The following CNTN5 variants were observed in gnomAD, a reference collection of about 807,000 sequenced individuals.
CNTN5 encodes the protein contactin-5.
A neutral mutation model predicts 129.1 loss-of-function variants in CNTN5; 77 were observed. That is an observed-to-expected ratio of 0.60 (90% CI 0.50 to 0.72). The LOEUF (loss-of-function observed/expected upper bound fraction) is 0.72, where lower values mean the gene tolerates loss of function less well. CNTN5 is among the 30% of genes least tolerant of loss of function. CNTN5 has a pLI of 0.00. For missense variants in CNTN5, 1,478 were observed against 1,328.8 expected (o/e 1.11, Z -1.75); for synonymous variants, 509 against 465.6 (o/e 1.09, Z -1.20).
intron 1 of CNTN5, among the ~76,000 whole-genome samples, chr11:99,247,052 A>G (rs1038493884): frequency 6.6e-5 from 10 of 152,178 alleles, no homozygotes; most frequent in African/African-American, 2.4e-4. Flanking sequence ...AAAATGACAT[A>G]ACTTAATAGT....
intron 3 of CNTN5, among the ~76,000 whole-genome samples, chr11:99,631,621 TATC>T (rs775436098): frequency 4.6e-5 from 7 of 151,882 alleles, no homozygotes; most frequent in Non-Finnish European, 7.4e-5. Flanking sequence ...TTTTTAGTAA[TATC>T]ATGTCAGTCA....
At chr11:99,112,403 G>A (rs1857841361) in intron 1 of CNTN5, among the ~76,000 whole-genome samples, 1 of 151,680 alleles carries the variant, frequency 6.6e-6, no homozygotes, top group African/African-American at 2.4e-5. Context: ...AGAAAAGGCA[G>A]GACATTAATC....
At chr11:99,934,947 T>C (rs1014510159) in intron 7 of CNTN5, among the ~76,000 whole-genome samples, 1,170 of 79,116 alleles carry the variant, frequency 0.015, 38 homozygotes, top group South Asian at 0.019. Flanking sequence ...TATATATATA[T>C]ACACACACAT....
chr11:99,681,285 C>A (rs1364498423), intron 3 of CNTN5, among the ~76,000 whole-genome samples: 1 of 152,008 alleles, frequency 6.6e-6, no homozygotes, highest in Non-Finnish European at 1.5e-5. Context: ...CTGAAAGATG[C>A]CTTACAGTGA....
intron 4 of CNTN5, among the ~76,000 whole-genome samples, chr11:99,827,320 C>G (rs539719317): frequency 6.6e-6 from 1 of 152,254 alleles, no homozygotes; most frequent in Non-Finnish European, 1.5e-5. Context: ...AGCTCCTGAG[C>G]TCAGGCGATC....
intron 2 of CNTN5, among the ~76,000 whole-genome samples, chr11:99,533,366 G>T (rs1002897928): frequency 6.6e-6 from 1 of 152,234 alleles, no homozygotes; most frequent in South Asian, 2.1e-4. Flanking sequence ...AGTAACATCA[G>T]GTAGGCACAG....
intron 18 of CNTN5, among the ~76,000 whole-genome samples, chr11:100,292,368 AC>A (rs1951007096): frequency 6.6e-6 from 1 of 151,918 alleles, no homozygotes; most frequent in Admixed American, 6.6e-5. Context: ...GATCCTAACA[AC>A]CCTATTCAAA....
Position 100,350,755 on chromosome 11 carries a change from A to T in CNTN5, c.3084A>T (p.Lys1028Asn). Residue 1028 changes from lysine (K) to asparagine (N), a missense_variant, in exon 24 of 25, where the codon AAA becomes AAT. By Grantham distance (94) the Lys-to-Asn change is moderately conservative. Transcript: ENST00000524871. Reference sequence around the variant, plus strand: ...ACAGCCAAGTTATTGAAACACAGAAACTTCAAGCAGTAGTACCACTCCCAG... The same window carrying T: ...ACAGCCAAGTTATTGAAACACAGAATCTTCAAGCAGTAGTACCACTCCCAG... ...HSNSQVIETQ[K>N]LQAVVPLPDA... 6.2e-7 allele frequency: 1 copy of T among 1,608,628 alleles called. No individual in the cohort carries two copies. The highest frequency in any genetic ancestry group is 8.5e-7 in the Non-Finnish European group (1 of 1,176,680).
intron 3 of CNTN5, among the ~76,000 whole-genome samples, chr11:99,585,397 A>G (rs1367406008): frequency 6.6e-6 from 1 of 152,206 alleles, no homozygotes; most frequent in Non-Finnish European, 1.5e-5. Flanking sequence ...AGGAGGATCT[A>G]GCTGTTTTCT....
chr11:100,337,387 A>G (rs1339153113), intron 21 of CNTN5: 3 of 785,548 alleles, frequency 3.8e-6, no homozygotes, highest in Admixed American at 1.7e-5. Flanking sequence ...CTCAGCAGAG[A>G]GAGCACCTAT....
At chr11:99,304,132 A>T (rs1464496154) in intron 1 of CNTN5, among the ~76,000 whole-genome samples, 5 of 152,156 alleles carry the variant, frequency 3.3e-5, no homozygotes, top group Non-Finnish European at 7.4e-5. Flanking sequence ...AGCAAAGCTA[A>T]GCCTGAGAAA....
At chr11:100,126,895 T>C (rs1421403576) in intron 13 of CNTN5, among the ~76,000 whole-genome samples, 1 of 151,942 alleles carries the variant, frequency 6.6e-6, no homozygotes, top group African/African-American at 2.4e-5. Context: ...TGTATTGAAG[T>C]GTGGTTTTGT....
At chr11:99,980,403 A>G (rs968607938) in intron 8 of CNTN5, among the ~76,000 whole-genome samples, 2 of 152,194 alleles carry the variant, frequency 1.3e-5, no homozygotes, top group Non-Finnish European at 2.9e-5. Flanking sequence ...TACCTCAAGC[A>G]AATAGATTTC....
At chr11:99,713,290 G>T (rs574735808) in intron 3 of CNTN5, among the ~76,000 whole-genome samples, 11 of 151,382 alleles carry the variant, frequency 7.3e-5, no homozygotes, top group Admixed American at 1.3e-4. Context: ...TCTGTTTTTT[G>T]TTGTTGTTGT....
chr11:99,937,468 C>T (rs1173484442), intron 7 of CNTN5, among the ~76,000 whole-genome samples: 1 of 152,184 alleles, frequency 6.6e-6, no homozygotes, highest in Admixed American at 6.6e-5. Flanking sequence ...TGGCTGACCT[C>T]GCTCAATCAG....
intron 2 of CNTN5, among the ~76,000 whole-genome samples, chr11:99,334,612 C>T (rs1591536616): frequency 2.0e-5 from 3 of 152,150 alleles, no homozygotes; most frequent in African/African-American, 4.8e-5. Flanking sequence ...TAAGTTTGTA[C>T]TATCCAATAA....
chr11:100,284,166 C>T (rs1464959223), intron 18 of CNTN5, among the ~76,000 whole-genome samples: 2 of 152,072 alleles, frequency 1.3e-5, no homozygotes, highest in African/African-American at 4.8e-5. Context: ...TGATTCAAGA[C>T]TGTTTTTCCT....
intron 1 of CNTN5, among the ~76,000 whole-genome samples, chr11:99,192,437 A>G (rs1858690665): frequency 6.6e-6 from 1 of 151,752 alleles, no homozygotes; most frequent in African/African-American, 2.4e-5. Context: ...AAGTTGATTA[A>G]TGGAAAAGTC....
intron 3 of CNTN5, among the ~76,000 whole-genome samples, chr11:99,709,299 CT>C (rs1954877054): frequency 6.6e-6 from 1 of 151,722 alleles, no homozygotes; most frequent in Admixed American, 6.6e-5. Flanking sequence ...TCAACATCTA[CT>C]GTATGATTGC....
Sources: allele counts gnomAD v4.1 joint callset (sites outside exome capture counted in the v4.1 genomes callset), GRCh38; gene constraint gnomAD v4.1.1; transcripts MANE v1.5; gene names NCBI Gene and HGNC (gene_info 2026-07-23, HGNC 2026-07-21).